The following CYTH3 variants were observed in gnomAD, a reference collection of about 807,000 sequenced individuals.
CYTH3 encodes cytohesin 3, also known as cytohesin-3.
CYTH3 carries 23 observed loss-of-function variants against 55.1 expected under a neutral mutation model. The observed-to-expected ratio is 0.42, with a 90% CI of 0.30 to 0.59. CYTH3 has a LOEUF of 0.59. Among genes scored for constraint, CYTH3 ranks in the 20% least tolerant of loss-of-function variants. CYTH3 has a pLI of 0.20. For synonymous variants in CYTH3, 249 were observed against 194.9 expected (o/e 1.28, Z -2.31); for missense variants, 413 against 524.8 (o/e 0.79, Z 2.08).
At chr7:6,198,530 C>T (rs117435635) in intron 1 of CYTH3, among the ~76,000 whole-genome samples, 2,006 of 152,346 alleles carry the variant, frequency 0.013, 25 homozygotes, top group Middle Eastern at 0.061. Context: ...ATCTTTTCCA[C>T]AGCAACAAAC....
chr7:6,245,755 G>A (rs936743213), intron 1 of CYTH3, among the ~76,000 whole-genome samples: 3 of 152,120 alleles, frequency 2.0e-5, no homozygotes, highest in Admixed American at 1.3e-4. Flanking sequence ...AAGTACAAAA[G>A]TAGCCAGCCA....
chr7:6,253,892 G>A (rs1296636107), intron 1 of CYTH3, among the ~76,000 whole-genome samples: 1 of 145,202 alleles, frequency 6.9e-6, no homozygotes, highest in Non-Finnish European at 1.5e-5. Context: ...ACTCGGGAGG[G>A]TGAGGCAGGA....
chr7:6,201,511 T>C (rs1784058499), intron 1 of CYTH3, among the ~76,000 whole-genome samples: 1 of 152,218 alleles, frequency 6.6e-6, no homozygotes, highest in African/African-American at 2.4e-5. Context: ...AGTTGGCCAC[T>C]GGTGCACCAT....
intron 1 of CYTH3, among the ~76,000 whole-genome samples, chr7:6,203,352 G>T (rs1323646603): frequency 6.6e-6 from 1 of 152,068 alleles, no homozygotes; most frequent in African/African-American, 2.4e-5. Flanking sequence ...CCATAGCTGT[G>T]AATCTGACTA....
At position 6,266,984 on chromosome 7, in the gene CYTH3, G is replaced by A. The variant is rs1240832500; in HGVS notation, c.34+5490C>T. Among the ~76,000 whole-genome samples, 11 of 152,186 alleles carry A rather than the reference G, an allele frequency of 7.2e-5. No individual in the cohort carries two copies. The South Asian group carries it at 8.3e-4, about 11-fold the overall frequency. ...TGGAGGCAGGACTTGGAGGGGAGGC[G>A]ACAGGATCATGGAGGCAGATCCCTC... On this transcript the variant is annotated intron_variant, in intron 1 of 12. Coordinates refer to ENST00000350796, the MANE Select transcript of CYTH3 (RefSeq NM_004227.4).
chr7:6,192,039 C>T (rs952446174), intron 1 of CYTH3, among the ~76,000 whole-genome samples: 2 of 151,968 alleles, frequency 1.3e-5, no homozygotes, highest in Admixed American at 1.3e-4. Flanking sequence ...ATGATCATGA[C>T]TGTGAGGCTG....
intron 1 of CYTH3, among the ~76,000 whole-genome samples, chr7:6,216,531 G>A (rs958295700): frequency 5.9e-5 from 9 of 151,858 alleles, no homozygotes; most frequent in African/African-American, 1.2e-4. Context: ...CTGAGCTCAG[G>A]AGTTTGAGAC....
chr7:6,226,533 G>A (rs1283687596), intron 1 of CYTH3, among the ~76,000 whole-genome samples: 4 of 152,208 alleles, frequency 2.6e-5, no homozygotes, highest in African/African-American at 9.6e-5. Flanking sequence ...GGTGAAGCTG[G>A]CAGTCTTGGC....
In CYTH3 at chr7:6,261,004, G is replaced by C. The variant is rs138484068; in HGVS notation, c.34+11470C>G. ...CAGTAAAGCTGACTAGCTCACTGCA[G>C]ACCAACATTTCTGCCAAGAACAACT... On this transcript the variant is annotated intron_variant, in intron 1 of 12. Transcript: ENST00000350796. 6.5e-3 allele frequency among the ~76,000 whole-genome samples: 990 copies of C among 152,262 alleles called. 10 individuals are homozygous for C. The highest frequency in any genetic ancestry group is 0.022 in the African/African-American group (925 of 41,550).
chr7:6,208,562 G>T (rs937632116), intron 1 of CYTH3, among the ~76,000 whole-genome samples: 1 of 151,940 alleles, frequency 6.6e-6, no homozygotes, highest in Non-Finnish European at 1.5e-5. Context: ...TTTTTGAGAG[G>T]TGCGGCAGGA....
intron 1 of CYTH3, among the ~76,000 whole-genome samples, chr7:6,237,104 A>G (rs1338465415): frequency 6.6e-6 from 1 of 152,216 alleles, no homozygotes; most frequent in Non-Finnish European, 1.5e-5. Context: ...CAAAGGAGAC[A>G]GCACTTAGAA....
At chr7:6,251,460 C>T (rs929084271) in intron 1 of CYTH3, among the ~76,000 whole-genome samples, 5 of 151,750 alleles carry the variant, frequency 3.3e-5, no homozygotes, top group Admixed American at 2.0e-4. Flanking sequence ...GTGTGAGAAG[C>T]ATGGAGACGG....
chr7:6,207,373 C>T (rs376780482), intron 1 of CYTH3, among the ~76,000 whole-genome samples: 42 of 152,162 alleles, frequency 2.8e-4, no homozygotes, highest in African/African-American at 9.4e-4. Context: ...GGACTACAGG[C>T]GTGAGCTGCC....
At chr7:6,165,228 G>A (rs201932588) in intron 12 of CYTH3, 45 bp downstream of exon 12, 209 of 1,583,012 alleles carry the variant, frequency 1.3e-4, no homozygotes, top group Admixed American at 3.6e-5. Flanking sequence ...CCCTCCAACC[G>A]GCACGAGAAG....
At chr7:6,265,497 T>TA (rs1780466893) in intron 1 of CYTH3, among the ~76,000 whole-genome samples, 1 of 151,162 alleles carries the variant, frequency 6.6e-6, no homozygotes, top group Admixed American at 6.6e-5. Flanking sequence ...CACGCGCCTG[T>TA]AGTCCCAGCT....
chr7:6,253,519 A>G (rs1780024902), intron 1 of CYTH3, among the ~76,000 whole-genome samples: 1 of 151,994 alleles, frequency 6.6e-6, no homozygotes, highest in African/African-American at 2.4e-5. Flanking sequence ...ACCAAAACAC[A>G]TTTTAAAATT....
At chr7:6,240,991 ATGTGCCTGTAATCCCAG>A (rs1401333937) in intron 1 of CYTH3, among the ~76,000 whole-genome samples, 1 of 151,890 alleles carries the variant, frequency 6.6e-6, no homozygotes, top group Admixed American at 6.6e-5. Flanking sequence ...GCATGGTGGC[ATGTGCCTGTAATCCCAG>A]TGACTCAGGA....
chr7:6,212,109 T>C (rs1219102167), intron 1 of CYTH3, among the ~76,000 whole-genome samples: 2 of 152,184 alleles, frequency 1.3e-5, no homozygotes, highest in African/African-American at 2.4e-5. Flanking sequence ...TAACCATCCT[T>C]CTACTCTCTA....
At chr7:6,212,548 G>C (rs1240819976) in intron 1 of CYTH3, 2 of 152,018 alleles carry the variant, frequency 1.3e-5, no homozygotes, top group East Asian at 3.9e-4. Context: ...ATTTCACCTG[G>C]CATAAATATA....
Sources: gnomAD v4.1 joint callset for allele counts (sites outside exome capture counted in the v4.1 genomes callset) on GRCh38, gnomAD v4.1.1 for gene constraint, MANE v1.5 for transcripts, NCBI Gene and HGNC (gene_info 2026-07-23, HGNC 2026-07-21) for gene names.